Variants in FAM222A observed in about 807,000 individuals in gnomAD.
The protein encoded by FAM222A is protein FAM222A.
A neutral mutation model predicts 25.8 loss-of-function variants in FAM222A; 7 were observed. The ratio of observed to expected loss-of-function variants is 0.27; its 90% CI spans 0.15 to 0.51. The LOEUF is 0.51. FAM222A is among the 20% of genes least tolerant of loss of function. The pLI is 0.97. For missense variants in FAM222A, 573 were observed against 640.5 expected (o/e 0.89, Z 1.14); for synonymous variants, 294 against 298.8 (o/e 0.98, Z 0.17).
At chr12:109,719,890 A>G (rs952583047) in intron 1 of FAM222A, among the ~76,000 whole-genome samples, 6 of 152,182 alleles carry the variant, frequency 3.9e-5, no homozygotes, top group African/African-American at 1.2e-4. Flanking sequence ...TTAGAGGCCA[A>G]CAGAGAGCTT....
intron 2 of FAM222A, among the ~76,000 whole-genome samples, chr12:109,761,050 T>G (rs1165326876): frequency 6.6e-6 from 1 of 152,126 alleles, no homozygotes; most frequent in Non-Finnish European, 1.5e-5. Context: ...TTAACACCTC[T>G]CACAGAACCT....
At chr12:109,723,525 G>A (rs1360993649) in intron 1 of FAM222A, among the ~76,000 whole-genome samples, 1 of 151,530 alleles carries the variant, frequency 6.6e-6, no homozygotes, top group Non-Finnish European at 1.5e-5. Flanking sequence ...TCCCTGGCAG[G>A]GCCAGACTGG....
chr12:109,760,858 G>A (rs905307671), intron 2 of FAM222A, among the ~76,000 whole-genome samples: 40 of 152,158 alleles, frequency 2.6e-4, no homozygotes, highest in African/African-American at 7.7e-4. Context: ...GGAGACCTGG[G>A]CCAGGTGGCC....
intron 1 of FAM222A, among the ~76,000 whole-genome samples, chr12:109,727,953 A>G (rs1042411153): frequency 9.9e-5 from 15 of 152,152 alleles, no homozygotes; most frequent in African/African-American, 3.4e-4. Context: ...AAACAAGCCC[A>G]GGGCCCTGTT....
Position 109,737,635 on chromosome 12 carries a change from T to C in FAM222A, c.-46-6466T>C, listed in dbSNP as rs566891637. 4.0e-5 allele frequency among the ~76,000 whole-genome samples: 6 copies of C among 150,024 alleles called. No individual in the cohort carries two copies. The East Asian group carries it at 1.2e-3, about 29-fold the overall frequency. ...TCCCCTTCTGGTGCTGAGGCCCAAA[T>C]GGCAGTGGGAAATAATCACTTTTCA... On this transcript the variant is annotated intron_variant, in intron 1 of 2. Transcript: ENST00000538780.
At chr12:109,763,871 C>T (rs1888966821) in intron 2 of FAM222A, among the ~76,000 whole-genome samples, 1 of 152,126 alleles carries the variant, frequency 6.6e-6, no homozygotes, top group South Asian at 2.1e-4. Context: ...ATCAGTAAAA[C>T]AGGGACCATC....
intron 1 of FAM222A, among the ~76,000 whole-genome samples, chr12:109,743,107 T>G (rs542245039): frequency 1.4e-4 from 22 of 152,036 alleles, no homozygotes; most frequent in Non-Finnish European, 3.2e-4. Context: ...AAGATGGACA[T>G]CAGGGGTGTC....
At chr12:109,748,174 T>G (rs1888454990) in intron 2 of FAM222A, among the ~76,000 whole-genome samples, 1 of 152,200 alleles carries the variant, frequency 6.6e-6, no homozygotes, top group African/African-American at 2.4e-5. Flanking sequence ...AATAGATTTC[T>G]TAATACTGAA....
At chr12:109,747,157 G>A (rs988643094) in intron 2 of FAM222A, among the ~76,000 whole-genome samples, 1 of 152,116 alleles carries the variant, frequency 6.6e-6, no homozygotes, top group Non-Finnish European at 1.5e-5. Context: ...GCAGTGGCAC[G>A]ATCTTGGCTC....
intron 1 of FAM222A, among the ~76,000 whole-genome samples, chr12:109,723,006 G>C (rs965080171): frequency 1.7e-4 from 26 of 150,640 alleles, no homozygotes; most frequent in South Asian, 1.1e-3. Flanking sequence ...AGCGGGTGGG[G>C]GGGGGAGGGG....
intron 1 of FAM222A, among the ~76,000 whole-genome samples, chr12:109,730,683 C>CT (rs1206418547): frequency 6.6e-6 from 1 of 152,178 alleles, no homozygotes; most frequent in Non-Finnish European, 1.5e-5. Flanking sequence ...TGGTTTTTCT[C>CT]TGGGTTCCTG....
At chr12:109,735,732 G>A (rs541350987) in intron 1 of FAM222A, 4 of 152,358 alleles carry the variant, frequency 2.6e-5, no homozygotes, top group South Asian at 2.1e-4. Flanking sequence ...ACTGGGCGGG[G>A]GGCTTTCGGC....
At chr12:109,746,246 T>G (rs959322944) in intron 2 of FAM222A, among the ~76,000 whole-genome samples, 2 of 152,184 alleles carry the variant, frequency 1.3e-5, no homozygotes, top group African/African-American at 4.8e-5. Flanking sequence ...CCTATCACTT[T>G]GGGAGGCCAA....
intron 1 of FAM222A, among the ~76,000 whole-genome samples, chr12:109,721,544 C>G (rs1324838686): frequency 1.3e-5 from 2 of 152,186 alleles, no homozygotes; most frequent in African/African-American, 2.4e-5. Flanking sequence ...CAGGCAGCGC[C>G]AATCAATCAG....
chr12:109,751,511 A>T (rs986748662), intron 2 of FAM222A, among the ~76,000 whole-genome samples: 1 of 152,204 alleles, frequency 6.6e-6, no homozygotes, highest in South Asian at 2.1e-4. Context: ...AGTTTTTCCC[A>T]GTCCATTTGC....
intron 2 of FAM222A, among the ~76,000 whole-genome samples, chr12:109,752,919 T>C (rs1048285211): frequency 6.6e-6 from 1 of 151,748 alleles, no homozygotes. Context: ...GGTCCAGGAG[T>C]TGGGGCGGCA....
intron 2 of FAM222A, 71 bp from the exon 3 acceptor site, chr12:109,767,937 CGGGA>C (rs1889103239): frequency 7.2e-7 from 1 of 1,397,500 alleles, no homozygotes; most frequent in Non-Finnish European, 9.8e-7. Flanking sequence ...GTGGAGGGGG[CGGGA>C]CTCGTGAGCC....
At chr12:109,727,036 C>A (rs1887856869) in intron 1 of FAM222A, among the ~76,000 whole-genome samples, 1 of 152,144 alleles carries the variant, frequency 6.6e-6, no homozygotes, top group Non-Finnish European at 1.5e-5. Flanking sequence ...GAAGCCGGCT[C>A]CTGCCCAGGT....
In FAM222A at chr12:109,769,748, G is replaced by GA. The variant is rs1439308698; in HGVS notation, c.*464dup. The stretch of plus-strand genomic sequence containing the variant: ...CCCACACTGGCTCCCCAGTATTCTG[G>GA]AAAAGGGGTACAGGAGGCCGATAGG... On this transcript the variant is annotated 3_prime_UTR_variant, in exon 3 of 3. Transcript: ENST00000538780. 1 of 176,832 alleles carries GA rather than the reference G, an allele frequency of 5.7e-6. No individual in the cohort carries two copies. The highest frequency in any genetic ancestry group is 2.4e-5 in the African/African-American group (1 of 41,962). The allele number at this position is 176,832 out of a possible 1,614,324, so 11.0% of individuals were successfully genotyped here.
Sources: allele counts gnomAD v4.1 joint callset (sites outside exome capture counted in the v4.1 genomes callset), GRCh38; gene constraint gnomAD v4.1.1; transcripts MANE v1.5; gene names NCBI Gene and HGNC (gene_info 2026-07-23, HGNC 2026-07-21).